Variants in BMP7 observed in about 807,000 individuals in gnomAD.
The protein encoded by BMP7 is osteogenic protein 1.
BMP7 carries 12 observed loss-of-function variants against 41.2 expected under a neutral mutation model. The ratio of observed to expected loss-of-function variants is 0.29; its 90% confidence interval spans 0.19 to 0.47. BMP7 has a LOEUF of 0.47. Ranked by LOEUF, BMP7 falls within the 20% of genes least tolerant of loss-of-function variation. The probability of loss-of-function intolerance (pLI) is 0.99; values close to 1 mark genes in which losing one functional copy is unlikely to be tolerated. For missense variants in BMP7, 467 were observed against 606.0 expected (o/e 0.77, Z 2.41); for synonymous variants, 248 against 250.0 (o/e 0.99, Z 0.07).
chr20:57,181,870 G>C (rs970649392), intron 4 of BMP7, among the ~76,000 whole-genome samples: 1 of 152,268 alleles, frequency 6.6e-6, no homozygotes, highest in Non-Finnish European at 1.5e-5. Context: ...TGGAAGGCCA[G>C]CTGATTAGCA....
rs931893519 is a variant in BMP7 at position 57,183,747 on chromosome 20, T to G, written c.933A>C (p.Glu311Asp). The G allele has an allele frequency of 1.2e-6, 2 of 1,614,042 alleles. No homozygotes were observed. The highest frequency in any genetic ancestry group is 2.7e-5 in the African/African-American group (2 of 74,932). The change falls in exon 4 of 7, where the codon GAA becomes GAC. Residue 311 changes from glutamate (E) to aspartate (D), a missense_variant. By Grantham distance (45) the Glu-to-Asp change is conservative. Around this residue, in one of 2 missense-constraint regions of BMP7, gnomAD observed 407 missense variants for 485.9 expected, o/e 0.84. Transcript: ENST00000395863. Reference sequence around the variant, plus strand: ...CTGCCACGTTGGCCATCCGCAGGGCTTCCTGGTTCTTGGGCGTCTTGGAGC... The same window carrying G: ...CTGCCACGTTGGCCATCCGCAGGGCGTCCTGGTTCTTGGGCGTCTTGGAGC... The part of the protein sequence containing the change: ...QNRSKTPKNQ[E>D]ALRMANVAEN...
In BMP7 at chr20:57,170,953, G is replaced by C. The variant is rs764105723; in HGVS notation, c.*6C>G. On this transcript the variant is annotated 3_prime_UTR_variant, in exon 7 of 7. Transcript: ENST00000395863. ...TGGCCCCAAAGGGTCTGAATTCTCG[G>C]AGGAGCTAGTGGCAGCCACAGGCCC... The C allele has an allele frequency of 1.2e-6, 2 of 1,613,174 alleles. No homozygotes were observed. The highest frequency in any genetic ancestry group is 1.7e-6 in the Non-Finnish European group (2 of 1,179,838).
chr20:57,229,060 A>C (rs193044), intron 1 of BMP7, among the ~76,000 whole-genome samples: 102,041 of 152,126 alleles, frequency 0.67, 35,980 homozygotes, highest in African/African-American at 0.91. Flanking sequence ...CAAGTCTGGG[A>C]TGGTAAACAT....
At chr20:57,211,860 A>G (rs904779115) in intron 2 of BMP7, among the ~76,000 whole-genome samples, 6 of 152,216 alleles carry the variant, frequency 3.9e-5, no homozygotes, top group Non-Finnish European at 8.8e-5. Flanking sequence ...TGGGCCTAGT[A>G]AAACCCATTT....
chr20:57,253,421 T>A (rs1332150623), intron 1 of BMP7, among the ~76,000 whole-genome samples: 1 of 152,192 alleles, frequency 6.6e-6, no homozygotes, highest in Non-Finnish European at 1.5e-5. Context: ...CCCTACCCCC[T>A]CTTTCTTGAC....
chr20:57,209,888 G>A lies in BMP7; in HGVS notation c.612-7265C>T, dbSNP rs1984839706. Among the ~76,000 whole-genome samples, 3 of 152,262 alleles carry A rather than the reference G, an allele frequency of 2.0e-5. 1 individual carries two copies. The South Asian group carries it at 6.2e-4, about 32-fold the overall frequency. Reference sequence around the variant, plus strand: ...CTGGAAAAAGCTAGATCTGTATGGGGCAACATATTTCCATGTTATACTTGA... The same window carrying A: ...CTGGAAAAAGCTAGATCTGTATGGGACAACATATTTCCATGTTATACTTGA... On this transcript the variant is annotated intron_variant, in intron 2 of 6. Transcript: ENST00000395863.
At chr20:57,265,300 AG>A (rs111855128) in intron 1 of BMP7, among the ~76,000 whole-genome samples, 44 of 152,250 alleles carry the variant, frequency 2.9e-4, no homozygotes, top group African/African-American at 1.0e-3. Flanking sequence ...CAGGGCTGAG[AG>A]GGGCCCAGGA....
At chr20:57,185,101 G>C (rs11697702) in intron 3 of BMP7, among the ~76,000 whole-genome samples, 3,318 of 152,300 alleles carry the variant, frequency 0.022, 55 homozygotes, top group Middle Eastern at 0.041. Context: ...TGGAAGCAGG[G>C]AGACCAGGTG....
chr20:57,234,726 G>A (rs886533578), intron 1 of BMP7, among the ~76,000 whole-genome samples: 4 of 152,206 alleles, frequency 2.6e-5, no homozygotes, highest in African/African-American at 9.7e-5. Flanking sequence ...ATTCCCAAAT[G>A]TAAGGCATCC....
intron 6 of BMP7, among the ~76,000 whole-genome samples, chr20:57,172,252 C>T (rs966500460): frequency 1.3e-5 from 2 of 152,128 alleles, no homozygotes; most frequent in African/African-American, 4.8e-5. Context: ...CTGTTTCCAG[C>T]CTAAGGACCT....
chr20:57,195,622 T>C (rs1367287967), intron 3 of BMP7, among the ~76,000 whole-genome samples: 2 of 152,240 alleles, frequency 1.3e-5, no homozygotes, highest in Non-Finnish European at 2.9e-5. Context: ...TCACCAGCCT[T>C]GGCTTTGTGG....
chr20:57,225,569 CT>C (rs61493605), intron 2 of BMP7, among the ~76,000 whole-genome samples: 5 of 152,126 alleles, frequency 3.3e-5, no homozygotes, highest in African/African-American at 1.2e-4. Context: ...AGAGATGACT[CT>C]TTCCCAAGGC....
chr20:57,183,560 G>A (rs1984136311), intron 4 of BMP7, among the ~76,000 whole-genome samples, 162 bp downstream of exon 4: 1 of 152,206 alleles, frequency 6.6e-6, no homozygotes, highest in Admixed American at 6.5e-5. Context: ...GAATTAAGAT[G>A]TCCTGTGTAG....
intron 3 of BMP7, 144 bp from the exon 4 acceptor site, chr20:57,184,063 T>A: frequency 1.0e-6 from 1 of 967,762 alleles, no homozygotes. Flanking sequence ...GTACTCACTC[T>A]AGGCCAGGTA....
At chr20:57,206,180 A>G (rs1984726600) in intron 2 of BMP7, among the ~76,000 whole-genome samples, 1 of 152,162 alleles carries the variant, frequency 6.6e-6, no homozygotes, top group African/African-American at 2.4e-5. Context: ...TACCTTGAAC[A>G]CACTGGCCTC....
chr20:57,229,814 G>A (rs1357244835), intron 1 of BMP7, among the ~76,000 whole-genome samples: 6 of 152,214 alleles, frequency 3.9e-5, no homozygotes, highest in East Asian at 1.9e-4. Context: ...ACAGCAGGAC[G>A]GGAACACCAT....
chr20:57,173,078 A>G, intron 6 of BMP7, 122 bp downstream of exon 6: 1 of 1,089,404 alleles, frequency 9.2e-7, no homozygotes, highest in Non-Finnish European at 1.4e-6. Flanking sequence ...GGGGCCCCCA[A>G]AAGTCATGAC....
At chr20:57,252,152 T>G (rs1263962322) in intron 1 of BMP7, among the ~76,000 whole-genome samples, 1 of 152,258 alleles carries the variant, frequency 6.6e-6, no homozygotes, top group African/African-American at 2.4e-5. Context: ...TGGATAGATG[T>G]GTTCCAATAA....
chr20:57,253,043 G>C (rs895992538), intron 1 of BMP7, among the ~76,000 whole-genome samples: 2 of 152,138 alleles, frequency 1.3e-5, no homozygotes, highest in African/African-American at 4.8e-5. Context: ...GTACTAAAAA[G>C]GGCACTTCCA....
Sources: allele counts gnomAD v4.1 joint callset (sites outside exome capture counted in the v4.1 genomes callset), GRCh38; gene constraint gnomAD v4.1.1; regional missense constraint gnomAD v4.1.1; transcripts MANE v1.5; gene names NCBI Gene and HGNC (gene_info 2026-07-23, HGNC 2026-07-21).